Variants in ARHGAP6 observed in about 807,000 individuals in gnomAD.
ARHGAP6 encodes Rho GTPase activating protein 6, also known as rho GTPase-activating protein 6.
Under a neutral mutation model 55.7 loss-of-function variants are expected in ARHGAP6, and 16 were observed. That is an observed-to-expected ratio of 0.29 (90% CI 0.19 to 0.44). The LOEUF is 0.44. Among genes scored for constraint, ARHGAP6 ranks in the 20% least tolerant of loss-of-function variants. The pLI, the probability that ARHGAP6 is intolerant of heterozygous loss-of-function variation, is 1.00. For missense variants in ARHGAP6, 698 were observed against 808.9 expected, an observed-to-expected ratio of 0.86 and a Z score of 1.66; for synonymous variants, 382 against 360.9, an observed-to-expected ratio of 1.06 and a Z score of -0.66.
In ARHGAP6 at chrX:11,240,263, C is replaced by T. The variant is rs144722831; in HGVS notation, c.748+14285G>A. On this transcript the variant is annotated intron_variant, in intron 2 of 12. Coordinates refer to ENST00000337414, the MANE Select transcript of ARHGAP6 (RefSeq NM_013427.3). ...CGAGTGGAATGAATTCAAAATTGCT[C>T]CTTCTACTTTGAGTTGCCTGCTTCA... Among the ~76,000 whole-genome samples, 4 of 112,518 alleles carry T rather than the reference C, an allele frequency of 3.6e-5. No individual in the cohort carries two copies. The East Asian group carries it at 1.1e-3, about 31-fold the overall frequency.
chrX:11,354,200 T>G (rs772343399), intron 1 of ARHGAP6, among the ~76,000 whole-genome samples: 2 of 106,185 alleles, frequency 1.9e-5, no homozygotes, highest in Admixed American at 1.0e-4. Context: ...GCCTACAAGT[T>G]TGTTGCAATG....
chrX:11,251,975 TC>T (rs1454955527), intron 2 of ARHGAP6, among the ~76,000 whole-genome samples: 1 of 112,505 alleles, frequency 8.9e-6, no homozygotes, highest in Non-Finnish European at 1.9e-5. Context: ...AATCATTAGT[TC>T]CTATTTTGAC....
intron 2 of ARHGAP6, among the ~76,000 whole-genome samples, chrX:11,215,967 G>C (rs983128719): frequency 9.0e-6 from 1 of 111,645 alleles, no homozygotes; most frequent in African/African-American, 3.3e-5. Context: ...GATACTCTTA[G>C]AGCAGCTCTT....
chrX:11,553,035 A>C (rs1236290740), intron 1 of ARHGAP6, among the ~76,000 whole-genome samples: 1 of 111,366 alleles, frequency 9.0e-6, no homozygotes, highest in Non-Finnish European at 1.9e-5. Context: ...AGCTTGATTT[A>C]GTCATTCAAA....
intron 1 of ARHGAP6, among the ~76,000 whole-genome samples, chrX:11,498,060 T>G (rs2050641412): frequency 8.9e-6 from 1 of 112,043 alleles, no homozygotes; most frequent in Non-Finnish European, 1.9e-5. Flanking sequence ...TTGCCAAAAT[T>G]TGAGATTTAT....
chrX:11,456,670 A>C (rs1372295427), intron 1 of ARHGAP6, among the ~76,000 whole-genome samples: 1 of 111,856 alleles, frequency 8.9e-6, no homozygotes, highest in Non-Finnish European at 1.9e-5. Context: ...AGTACGTGAG[A>C]GAACTCCTTG....
chrX:11,445,877 A>C (rs5979403), intron 1 of ARHGAP6, among the ~76,000 whole-genome samples: 37,206 of 109,631 alleles, frequency 0.34, 4,646 homozygotes, highest in Middle Eastern at 0.48. Context: ...GAAGCTAGAG[A>C]AATAGATAGG....
intron 10 of ARHGAP6, among the ~76,000 whole-genome samples, chrX:11,154,885 T>C (rs1287657800): frequency 8.9e-6 from 1 of 112,545 alleles, no homozygotes; most frequent in Non-Finnish European, 1.9e-5. Flanking sequence ...ACAATTTGAA[T>C]ATAATTTTAT....
chrX:11,441,222 A>T (rs2050035828), intron 1 of ARHGAP6, among the ~76,000 whole-genome samples: 1 of 111,544 alleles, frequency 9.0e-6, no homozygotes, highest in Non-Finnish European at 1.9e-5. Context: ...TCCCAAGAAC[A>T]CATTAGTCTA....
At chrX:11,179,682 T>C (rs1051835075) in intron 6 of ARHGAP6, among the ~76,000 whole-genome samples, 1 of 106,154 alleles carries the variant, frequency 9.4e-6, no homozygotes, top group Non-Finnish European at 1.9e-5. Context: ...AGTATACACA[T>C]GTATATATGT....
chrX:11,347,283 A>G (rs893772124), intron 1 of ARHGAP6, among the ~76,000 whole-genome samples: 4 of 112,522 alleles, frequency 3.6e-5, no homozygotes, highest in Admixed American at 2.8e-4. Context: ...GTGTTTTGAC[A>G]TAAGTAAAAG....
intron 1 of ARHGAP6, among the ~76,000 whole-genome samples, chrX:11,472,041 C>G (rs1356550602): frequency 8.9e-6 from 1 of 112,105 alleles, no homozygotes. Context: ...TTCCTGCTTT[C>G]TTGGGATATA....
At chrX:11,168,046 G>A (rs1216546218) in intron 9 of ARHGAP6, among the ~76,000 whole-genome samples, 1 of 111,705 alleles carries the variant, frequency 9.0e-6, no homozygotes, top group Non-Finnish European at 1.9e-5. Context: ...TTCAAGCCTC[G>A]CTTGAAGTTA....
At position 11,218,882 on chromosome X, in the gene ARHGAP6, T is replaced by C. The variant is rs761603778; in HGVS notation, c.749-21886A>G. 5.4e-5 allele frequency among the ~76,000 whole-genome samples: 6 copies of C among 110,244 alleles called. No homozygotes were observed. The South Asian group carries it at 2.4e-3, about 44-fold the overall frequency. The stretch of plus-strand genomic sequence containing the variant: ...TTGTTTAATAGTCTGGCTAGCAGTC[T>C]ATTTTGTTTTTTTTTTTATTATACT... On this transcript the variant is annotated intron_variant, in intron 2 of 12. Coordinates refer to ENST00000337414, the MANE Select transcript of ARHGAP6 (RefSeq NM_013427.3).
chrX:11,477,878 T>A (rs1363238831), intron 1 of ARHGAP6, among the ~76,000 whole-genome samples: 1 of 111,877 alleles, frequency 8.9e-6, no homozygotes, highest in East Asian at 2.8e-4. Flanking sequence ...AAGAGTTTCT[T>A]TTATGGTGAT....
At chrX:11,465,607 C>G (rs73500884) in intron 1 of ARHGAP6, among the ~76,000 whole-genome samples, 12,687 of 111,742 alleles carry the variant, frequency 0.11, 690 homozygotes, top group Admixed American at 0.2. Context: ...ATTAGAAATA[C>G]TTGATCTGGA....
At position 11,394,957 on chromosome X, in the gene ARHGAP6, GAACATTAGTC is replaced by G. The variant is rs1453825742; in HGVS notation, c.589-140260_589-140251del. On this transcript the variant is annotated intron_variant, in intron 1 of 12. Transcript: ENST00000337414. ...TAATAATTTTAAAATGATGACAGCA[GAACATTAGTC>G]ATGTTGTCCTTCTGAGCATGGGCCC... Among the ~76,000 whole-genome samples the G allele has an allele frequency of 7.1e-5, 8 of 112,026 alleles. No individual in the cohort carries two copies. The South Asian group carries it at 2.2e-3, about 31-fold the overall frequency.
intron 3 of ARHGAP6, among the ~76,000 whole-genome samples, chrX:11,192,431 C>G (rs2046473304): frequency 8.9e-6 from 1 of 111,748 alleles, no homozygotes; most frequent in Non-Finnish European, 1.9e-5. Context: ...GAGCTGGCCC[C>G]TTCCTAACCT....
At chrX:11,388,695 G>A (rs1014912210) in intron 1 of ARHGAP6, among the ~76,000 whole-genome samples, 1 of 111,464 alleles carries the variant, frequency 9.0e-6, no homozygotes, top group Non-Finnish European at 1.9e-5. Flanking sequence ...TAGGTCTAAC[G>A]TTTAAGTCTT....
Sources: allele counts gnomAD v4.1 joint callset (sites outside exome capture counted in the v4.1 genomes callset), GRCh38; gene constraint gnomAD v4.1.1; transcripts MANE v1.5; gene names NCBI Gene and HGNC (gene_info 2026-07-23, HGNC 2026-07-21).